The following TPST2 variants were observed in gnomAD, a reference collection of about 807,000 sequenced individuals.
The protein encoded by TPST2 is protein-tyrosine sulfotransferase 2.
In TPST2, 16 loss-of-function variants were observed where a neutral mutation model predicts 27.8. That is an observed-to-expected ratio of 0.58 (90% CI 0.39 to 0.88). The LOEUF (loss-of-function observed/expected upper bound fraction) is 0.88, where lower values mean the gene tolerates loss of function less well. Among genes scored for constraint, TPST2 ranks in the 40% least tolerant of loss-of-function variants. TPST2 has a pLI of 0.00. For synonymous variants in TPST2, 229 were observed against 231.7 expected, an observed-to-expected ratio of 0.99 and a Z score of 0.10; for missense variants, 464 against 543.1, an observed-to-expected ratio of 0.85 and a Z score of 1.45.
At chr22:26,563,827 A>G (rs1349176572) in intron 1 of TPST2, among the ~76,000 whole-genome samples, 1 of 152,180 alleles carries the variant, frequency 6.6e-6, no homozygotes, top group African/African-American at 2.4e-5. Flanking sequence ...CAGTAAGGCC[A>G]CCTGGGAGGC....
At chr22:26,561,147 G>C in intron 1 of TPST2, 1 of 1,605,774 alleles carries the variant, frequency 6.2e-7, no homozygotes. Flanking sequence ...TGAAGATGAA[G>C]AAGATGATGA....
intron 1 of TPST2, among the ~76,000 whole-genome samples, chr22:26,577,095 C>CAAAA (rs34865016): frequency 2.6e-5 from 2 of 75,502 alleles, no homozygotes; most frequent in Non-Finnish European, 5.0e-5. Flanking sequence ...GACTCTGTTG[C>CAAAA]AAAAAAAAAA....
At chr22:26,563,365 C>T (rs1328514442) in intron 1 of TPST2, among the ~76,000 whole-genome samples, 1 of 150,094 alleles carries the variant, frequency 6.7e-6, no homozygotes, top group Non-Finnish European at 1.5e-5. Flanking sequence ...GAGTCTCACT[C>T]CAGCCCAGGC....
In TPST2 at chr22:26,536,343, GCAT is replaced by G; in HGVS notation, c.983_985del (p.Tyr328_Ala329delinsSer). On this transcript the variant is annotated inframe_deletion, in exon 4 of 7. Transcript: ENST00000338754. Reference sequence around the variant, plus strand: ...AGGGTTGCCATAGTTGGGGGGGTTTGCATAAGGGTCATAGCCGAGCTGAGCCAG... The same window carrying G: ...AGGGTTGCCATAGTTGGGGGGGTTTGAAGGGTCATAGCCGAGCTGAGCCAG... 1 of 1,614,044 alleles carries G rather than the reference GCAT, an allele frequency of 6.2e-7. No individual in the cohort carries two copies. Among genetic ancestry groups the G allele is most frequent in the Non-Finnish European group, 8.5e-7 (1 of 1,179,892 alleles).
chr22:26,562,474 TACA>T (rs1385539462), intron 1 of TPST2, among the ~76,000 whole-genome samples: 7 of 152,218 alleles, frequency 4.6e-5, no homozygotes, highest in African/African-American at 1.7e-4. Context: ...AACTCATTGG[TACA>T]ACCTCTATAT....
At chr22:26,549,095 C>T (rs1382251079) in intron 1 of TPST2, among the ~76,000 whole-genome samples, 1 of 152,210 alleles carries the variant, frequency 6.6e-6, no homozygotes, top group Non-Finnish European at 1.5e-5. Context: ...AGAAACTAGT[C>T]TTGCAGGAGT....
Position 26,569,074 on chromosome 22 carries a change from A to G in TPST2, c.-161+20979T>C, listed in dbSNP as rs577704909. Among the ~76,000 whole-genome samples, 20 of 152,176 alleles carry G rather than the reference A, an allele frequency of 1.3e-4. No homozygotes were observed. In the East Asian group the frequency reaches 3.7e-3, roughly 28 times the overall value. On this transcript the variant is annotated intron_variant, in intron 1 of 6. Transcript: ENST00000338754. The stretch of plus-strand genomic sequence containing the variant: ...GAGACGGGCTTTCACTGTGTTAGCC[A>G]GGATGGTCTCGATCTCCTGACTTCG...
intron 1 of TPST2, among the ~76,000 whole-genome samples, chr22:26,548,669 G>A (rs77240077): frequency 0.03 from 4,621 of 152,016 alleles, 103 homozygotes; most frequent in Non-Finnish European, 0.046. Flanking sequence ...TTCCAAACTC[G>A]GAAAAAATTC....
chr22:26,577,983 G>A (rs768931589), intron 1 of TPST2, among the ~76,000 whole-genome samples: 11 of 152,096 alleles, frequency 7.2e-5, no homozygotes, highest in Admixed American at 2.6e-4. Context: ...TCACCCACAG[G>A]AGAGAAAACA....
At position 26,577,090 on chromosome 22, in the gene TPST2, T is replaced by C. The variant is rs1232171348; in HGVS notation, c.-161+12963A>G. On this transcript the variant is annotated intron_variant, in intron 1 of 6. Coordinates refer to ENST00000338754, the MANE Select transcript of TPST2 (RefSeq NM_003595.5). ...CAGCCTGGGCGACAGAACGAGACTCTGTTGCAAAAAAAAAAAAAAAAAAGA... is the reference window on the plus strand; with the variant it reads ...CAGCCTGGGCGACAGAACGAGACTCCGTTGCAAAAAAAAAAAAAAAAAAGA... 8.3e-5 allele frequency among the ~76,000 whole-genome samples: 11 copies of C among 132,458 alleles called. 1 individual carries two copies. In the East Asian group the frequency reaches 1.8e-3, roughly 22 times the overall value. 86.9% of individuals were successfully genotyped at this position (132,458 alleles called of 152,430 possible). A position where few individuals can be genotyped will look rare whatever the true frequency, so the allele number is the denominator to read the frequency against.
intron 3 of TPST2, among the ~76,000 whole-genome samples, chr22:26,538,818 G>T (rs575803787): frequency 6.6e-6 from 1 of 152,296 alleles, no homozygotes; most frequent in African/African-American, 2.4e-5. Flanking sequence ...GCGAGACTCC[G>T]TCTCAACAAC....
At chr22:26,539,334 T>A (rs1368090846) in intron 3 of TPST2, among the ~76,000 whole-genome samples, 1 of 152,046 alleles carries the variant, frequency 6.6e-6, no homozygotes, top group East Asian at 1.9e-4. Flanking sequence ...TGCTCCAGCA[T>A]TGTTCAAAGT....
At position 26,541,575 on chromosome 22, in the gene TPST2, A is replaced by C. The variant is rs766809467; in HGVS notation, c.56T>G (p.Val19Gly). 6.2e-7 allele frequency: 1 copy of C among 1,607,684 alleles called. No individual in the cohort carries two copies. Among genetic ancestry groups the C allele is most frequent in the South Asian group, 1.1e-5 (1 of 90,692 alleles). The change falls in exon 3 of 7, where the codon GTG becomes GGG. Residue 19 changes from valine (V) to glycine (G), a missense_variant. By Grantham distance (109) the Val-to-Gly change is moderately radical (BLOSUM62 -3). Coordinates refer to ENST00000338754, the MANE Select transcript of TPST2 (RefSeq NM_003595.5). The surrounding 1 kb of genome is among the most constrained non-coding windows in gnomAD (Gnocchi z 5.9). ...LLAAGCALVL[V>G]LAVQLGQQVL... Reference sequence around the variant, plus strand: ...CTGCTGTCCCAGCTGAACCGCCAGCACCAGGACCAGGGCGCAGCCGGCTGC... The same window carrying C: ...CTGCTGTCCCAGCTGAACCGCCAGCCCCAGGACCAGGGCGCAGCCGGCTGC...
In TPST2 at chr22:26,524,521, C is replaced by G. The variant is rs1924728567; in HGVS notation, c.*1754G>C. ...GATTCTGTCTAAACACACACATACA[C>G]ACATACACACCATGAAGTTTTAACT... On this transcript the variant is annotated 3_prime_UTR_variant, in exon 7 of 7. Transcript: ENST00000338754. 1 of 152,038 alleles carries G rather than the reference C, an allele frequency of 6.6e-6. No individual in the cohort carries two copies. The highest frequency in any genetic ancestry group is 1.5e-5 in the Non-Finnish European group (1 of 68,034). The allele number at this position is 152,038 out of a possible 1,614,324, so 9.4% of individuals were successfully genotyped here.
chr22:26,583,406 C>T (rs1225998733), intron 1 of TPST2, among the ~76,000 whole-genome samples: 3 of 130,676 alleles, frequency 2.3e-5, no homozygotes, highest in African/African-American at 8.7e-5. Flanking sequence ...CACTGCACTC[C>T]AGCCTGGGCG....
intron 1 of TPST2, among the ~76,000 whole-genome samples, chr22:26,578,326 G>A (rs117541404): frequency 2.0e-5 from 3 of 152,218 alleles, no homozygotes; most frequent in East Asian, 1.9e-4. Context: ...AGCTCTCAAC[G>A]TGGGTTCTCT....
chr22:26,564,279 A>G (rs1325693703), intron 1 of TPST2, among the ~76,000 whole-genome samples: 1 of 152,162 alleles, frequency 6.6e-6, no homozygotes, highest in African/African-American at 2.4e-5. Context: ...TTGGAGCAGG[A>G]AGGAGGAAAG....
At chr22:26,548,360 G>A (rs1410690591) in intron 1 of TPST2, among the ~76,000 whole-genome samples, 1 of 150,518 alleles carries the variant, frequency 6.6e-6, no homozygotes, top group Non-Finnish European at 1.5e-5. Context: ...AAAGGAGGCG[G>A]GGGAGGGGAA....
Position 26,522,084 on chromosome 22 carries a change from C to G in TPST2, c.*4191G>C, listed in dbSNP as rs1262469427. The G allele has an allele frequency of 6.6e-6, 1 of 152,134 alleles. No homozygotes were observed. Among genetic ancestry groups the G allele is most frequent in the Non-Finnish European group, 1.5e-5 (1 of 68,030 alleles). The allele number at this position is 152,134 out of a possible 1,614,324, so 9.4% of individuals were successfully genotyped here. On this transcript the variant is annotated 3_prime_UTR_variant, in exon 7 of 7. Transcript: ENST00000338754. ...AGCCTTCACCATGGGGCTGTTAAGT[C>G]TTCATTGCTTAGCTTTACTAAACTA... is the stretch of plus-strand genomic sequence containing the variant.
Sources: gnomAD v4.1 joint callset for allele counts (sites outside exome capture counted in the v4.1 genomes callset) on GRCh38, gnomAD v4.1.1 for gene constraint, Gnocchi (gnomAD v3.1) non-coding constraint, MANE v1.5 for transcripts, NCBI Gene and HGNC (gene_info 2026-07-23, HGNC 2026-07-21) for gene names.